MAD1L1: variants seen among roughly 807,000 people sequenced by gnomAD.
MAD1L1 encodes the protein mitotic arrest deficient 1 like 1.
A neutral mutation model predicts 96.9 loss-of-function variants in MAD1L1; 95 were observed. That is an observed-to-expected ratio of 0.98 (90% CI 0.83 to 1.16). The LOEUF is 1.16. MAD1L1 is among the 50% of genes most tolerant of loss of function. MAD1L1 has a pLI of 0.00. For missense variants in MAD1L1, 1,007 were observed against 954.4 expected (o/e 1.06, Z -0.73); for synonymous variants, 473 against 396.6 (o/e 1.19, Z -2.29).
rs539645153 is a variant in MAD1L1 at position 2,079,211 on chromosome 7, T to TG, written c.1074-9874dup. ...AAAGAGAGGGGCAAGCCCTCCTCCC[T>TG]GGGGGGCAGGTTCAGACTCGGAAGG... On this transcript the variant is annotated intron_variant, in intron 11 of 18. Transcript: ENST00000265854. 3.9e-5 allele frequency among the ~76,000 whole-genome samples: 6 copies of TG among 152,174 alleles called. No individual in the cohort carries two copies. In the South Asian group the frequency reaches 8.3e-4, roughly 21 times the overall value.
At chr7:2,160,233 C>CA (rs528993860) in intron 10 of MAD1L1, among the ~76,000 whole-genome samples, 1,362 of 109,336 alleles carry the variant, frequency 0.012, 8 homozygotes, top group African/African-American at 0.021. Flanking sequence ...TACCCTGTCT[C>CA]AAAAAAAAAA....
intron 10 of MAD1L1, among the ~76,000 whole-genome samples, chr7:2,180,301 G>A (rs1309393347): frequency 6.6e-6 from 1 of 152,208 alleles, no homozygotes; most frequent in African/African-American, 2.4e-5. Context: ...AGGCAGAGTG[G>A]CCACCACCTG....
Position 2,114,228 on chromosome 7 carries a change from G to A in MAD1L1, c.1073+34924C>T, listed in dbSNP as rs1253102412. On this transcript the variant is annotated intron_variant, in intron 11 of 18. Coordinates refer to ENST00000265854, the MANE Select transcript of MAD1L1 (RefSeq NM_001013836.2). This position sits in a 1 kb window ranked among gnomAD's most constrained non-coding sequence, Gnocchi z 4.2. Reference sequence around the variant, plus strand: ...TCCCAGAAGAACATGCCAGACACATGAGAAAGACAAAAGGGCAAATGGCCG... The same window carrying A: ...TCCCAGAAGAACATGCCAGACACATAAGAAAGACAAAAGGGCAAATGGCCG... 6.6e-6 allele frequency among the ~76,000 whole-genome samples: 1 copy of A among 152,206 alleles called. No homozygotes were observed. Among genetic ancestry groups the A allele is most frequent in the Non-Finnish European group, 1.5e-5 (1 of 68,046 alleles).
At chr7:1,989,241 C>T (rs912081354) in intron 14 of MAD1L1, among the ~76,000 whole-genome samples, 2 of 152,244 alleles carry the variant, frequency 1.3e-5, no homozygotes, top group African/African-American at 2.4e-5. Context: ...ATTTCACACC[C>T]GCCAGGACGG....
chr7:1,980,442 G>C lies in MAD1L1; in HGVS notation c.1505+11C>G. 2.5e-6 allele frequency: 4 copies of C among 1,607,698 alleles called. No individual in the cohort carries two copies. The highest frequency in any genetic ancestry group is 2.5e-6 in the Non-Finnish European group (3 of 1,176,856). On this transcript the variant is annotated intron_variant, in intron 15 of 18. Transcript: ENST00000265854. ...ACCTGGGCGTGTCCGCCTCCTCTCT[G>C]GGGGACGTACCTGAGCGTGTCCGCC... is the stretch of plus-strand genomic sequence containing the variant.
At chr7:2,100,520 G>C (rs916610055) in intron 11 of MAD1L1, among the ~76,000 whole-genome samples, 1 of 152,202 alleles carries the variant, frequency 6.6e-6, no homozygotes, top group Non-Finnish European at 1.5e-5. Context: ...CGTCTGCCTC[G>C]TCCTGGCAGG....
intron 15 of MAD1L1, among the ~76,000 whole-genome samples, chr7:1,977,017 G>C (rs1780673404): frequency 6.6e-6 from 1 of 152,244 alleles, no homozygotes; most frequent in Admixed American, 6.5e-5. Flanking sequence ...ATTTCTCCAA[G>C]TCCCCACCGG....
chr7:2,098,291 C>T (rs948307458), intron 11 of MAD1L1, among the ~76,000 whole-genome samples: 3 of 152,226 alleles, frequency 2.0e-5, no homozygotes, highest in Non-Finnish European at 2.9e-5. Context: ...GCGCAGAAGG[C>T]GCATGGCAAA....
intron 18 of MAD1L1, among the ~76,000 whole-genome samples, chr7:1,864,344 TGGACGGGACTCGGG>T (rs1784672745): frequency 6.6e-6 from 1 of 152,184 alleles, no homozygotes; most frequent in South Asian, 2.1e-4. Flanking sequence ...GCCCCTTTCC[TGGACGGGACTCGGG>T]GGAACTTGCC....
chr7:2,190,439 A>C (rs1791663473), intron 10 of MAD1L1, among the ~76,000 whole-genome samples: 1 of 152,208 alleles, frequency 6.6e-6, no homozygotes. Context: ...CAAAAAACAC[A>C]AACCATAAAG....
rs570713521 is a variant in MAD1L1, at chr7:1,868,678, C to T, written c.1998+29522G>A. On this transcript the variant is annotated intron_variant, in intron 18 of 18. Coordinates refer to ENST00000265854, the MANE Select transcript of MAD1L1 (RefSeq NM_001013836.2). ...CAGCCCATGCCGGGTAGGAGTGACA[C>T]GCACTGCGTGTTCACAGCCTTAACC... is the stretch of plus-strand genomic sequence containing the variant. Among the ~76,000 whole-genome samples, 29 of 152,342 alleles carry T rather than the reference C, an allele frequency of 1.9e-4. No individual in the cohort carries two copies. In the South Asian group the frequency reaches 5.4e-3, roughly 28 times the overall value.
intron 15 of MAD1L1, among the ~76,000 whole-genome samples, chr7:1,964,725 G>A (rs974230549): frequency 2.6e-5 from 4 of 152,216 alleles, no homozygotes; most frequent in Non-Finnish European, 4.4e-5. Flanking sequence ...GTCTCCGAGC[G>A]TGTGCGTGGA....
intron 18 of MAD1L1, among the ~76,000 whole-genome samples, chr7:1,885,594 C>A (rs1261828497): frequency 6.6e-6 from 1 of 152,162 alleles, no homozygotes; most frequent in Non-Finnish European, 1.5e-5. Flanking sequence ...CTGAGTGGCC[C>A]TGCAGGGTAC....
intron 11 of MAD1L1, among the ~76,000 whole-genome samples, chr7:2,096,819 G>A (rs1012868484): frequency 5.7e-4 from 87 of 152,198 alleles, no homozygotes; most frequent in African/African-American, 2.0e-3. Flanking sequence ...GAGGCTGGGG[G>A]CACAGACCCA....
chr7:1,906,319 G>T (rs1787629098), intron 17 of MAD1L1, among the ~76,000 whole-genome samples: 1 of 152,214 alleles, frequency 6.6e-6, no homozygotes. Flanking sequence ...CATGCAGACA[G>T]ATCTCCATGC....
chr7:1,988,016 C>G (rs978537157), intron 14 of MAD1L1, among the ~76,000 whole-genome samples: 1 of 152,160 alleles, frequency 6.6e-6, no homozygotes. Flanking sequence ...TCACCGAGGA[C>G]CTGTAGAACA....
chr7:2,029,411 G>A (rs1209099498), intron 12 of MAD1L1, among the ~76,000 whole-genome samples: 1 of 152,178 alleles, frequency 6.6e-6, no homozygotes, highest in African/African-American at 2.4e-5. Context: ...GGGAGGTGGA[G>A]GAGCCGGCAG....
At chr7:1,816,517 C>A (rs1781814622) in intron 18 of MAD1L1, among the ~76,000 whole-genome samples, 1 of 152,174 alleles carries the variant, frequency 6.6e-6, no homozygotes, top group South Asian at 2.1e-4. Flanking sequence ...CTTGCTCCTT[C>A]CTCCACCTGG....
intron 12 of MAD1L1, among the ~76,000 whole-genome samples, chr7:2,067,622 GAAC>G (rs1784938975): frequency 6.6e-6 from 1 of 152,096 alleles, no homozygotes; most frequent in African/African-American, 2.4e-5. Flanking sequence ...TGGTCAGCCC[GAAC>G]CACCGCAGTG....
Sources: gnomAD v4.1 joint callset for allele counts (sites outside exome capture counted in the v4.1 genomes callset) on GRCh38, gnomAD v4.1.1 for gene constraint, Gnocchi (gnomAD v3.1) non-coding constraint, MANE v1.5 for transcripts, NCBI Gene and HGNC (gene_info 2026-07-23, HGNC 2026-07-21) for gene names.